Variants in DYNC2LI1 observed in about 807,000 individuals in gnomAD.
The protein encoded by DYNC2LI1 is dynein cytoplasmic 2 light intermediate chain 1, also known as cytoplasmic dynein 2 light intermediate chain 1.
In DYNC2LI1, 45 loss-of-function variants were observed where a neutral mutation model predicts 51.9. The observed-to-expected ratio is 0.87, with a 90% CI of 0.68 to 1.11. The LOEUF (loss-of-function observed/expected upper bound fraction) is 1.11, where lower values mean the gene tolerates loss of function less well. Among genes scored for constraint, DYNC2LI1 ranks in the 50% most tolerant of loss-of-function variants. The probability of loss-of-function intolerance (pLI) is 0.00; values close to 1 mark genes in which losing one functional copy is unlikely to be tolerated. For missense variants in DYNC2LI1, 490 were observed against 417.4 expected, an observed-to-expected ratio of 1.17 and a Z score of -1.51; for synonymous variants, 130 against 137.8, an observed-to-expected ratio of 0.94 and a Z score of 0.40.
chr2:43,812,093 C>G (rs1666507076), downstream of DYNC2LI1, among the ~76,000 whole-genome samples: 1 of 151,944 alleles, frequency 6.6e-6, no homozygotes, highest in Admixed American at 6.6e-5. Flanking sequence ...CTCTGTTGCC[C>G]AGGCTGGAGT....
At chr2:43,796,449 C>T (rs756588627) in intron 7 of DYNC2LI1, among the ~76,000 whole-genome samples, 6 of 152,024 alleles carry the variant, frequency 3.9e-5, no homozygotes, top group African/African-American at 1.2e-4. Flanking sequence ...GTCAGAGAAT[C>T]GTTAGAATTC....
At chr2:43,814,932 T>C (rs1223347078), downstream of DYNC2LI1, among the ~76,000 whole-genome samples, 1 of 152,218 alleles carries the variant, frequency 6.6e-6, no homozygotes, top group South Asian at 2.1e-4. Context: ...AGCATAGCAC[T>C]TTGTCATTTT....
At chr2:43,827,935 C>A in the DYNC2LI1 span, 47 of 1,611,332 alleles carry the variant, frequency 2.9e-5, no homozygotes, top group Non-Finnish European at 3.8e-5. Flanking sequence ...TGCACACACA[C>A]AGAAGATGCC....
chr2:43,822,828 C>T, the DYNC2LI1 span: 29 of 1,614,012 alleles, frequency 1.8e-5, no homozygotes, highest in Non-Finnish European at 2.2e-5. Flanking sequence ...ATCATGGTGG[C>T]AACAACGCTG....
the DYNC2LI1 span, chr2:43,822,486 C>CA: frequency 1.1e-6 from 1 of 932,846 alleles, no homozygotes; most frequent in South Asian, 5.0e-5. Flanking sequence ...AGGCCCCCCC[C>CA]CATGCACCTG....
chr2:43,811,568 CAGAA>C (rs1424222878), downstream of DYNC2LI1, among the ~76,000 whole-genome samples: 2 of 152,000 alleles, frequency 1.3e-5, no homozygotes, highest in Non-Finnish European at 2.9e-5. Flanking sequence ...GAAGATCAAT[CAGAA>C]AGAGAATCAG....
intron 10 of DYNC2LI1, among the ~76,000 whole-genome samples, chr2:43,803,472 A>G (rs1469833335): frequency 1.3e-5 from 2 of 152,198 alleles, no homozygotes; most frequent in Non-Finnish European, 2.9e-5. Context: ...AATGAAAAAC[A>G]TTTTAGAAAT....
chr2:43,795,976 T>C lies in DYNC2LI1; in HGVS notation c.576+18T>C. 6.3e-7 allele frequency: 1 copy of C among 1,596,530 alleles called. No individual in the cohort carries two copies. Among genetic ancestry groups the C allele is most frequent in the Non-Finnish European group, 8.6e-7 (1 of 1,164,344 alleles). On this transcript the variant is annotated intron_variant, in intron 7 of 12. Transcript: ENST00000260605. ...TTTTTCAGGTAAGCTCTTCCGCTTC[T>C]AGCTGAGTTTGTTGTACATATATGG...
downstream of DYNC2LI1, among the ~76,000 whole-genome samples, chr2:43,813,881 G>A (rs1666648290): frequency 6.6e-6 from 1 of 151,788 alleles, no homozygotes; most frequent in South Asian, 2.1e-4. Flanking sequence ...ACCACGCCTG[G>A]CTAATTTTTG....
intron 4 of DYNC2LI1, among the ~76,000 whole-genome samples, chr2:43,788,675 A>G (rs1409298189): frequency 6.6e-6 from 1 of 152,174 alleles, no homozygotes; most frequent in African/African-American, 2.4e-5. Flanking sequence ...GCTGGAGTAC[A>G]GTGGCAGGAT....
At chr2:43,787,777 G>A (rs1038679515) in intron 4 of DYNC2LI1, among the ~76,000 whole-genome samples, 1 of 152,048 alleles carries the variant, frequency 6.6e-6, no homozygotes, top group Non-Finnish European at 1.5e-5. Flanking sequence ...GGGGTGGGGT[G>A]GGGAATTCCT....
At chr2:43,800,986 A>G (rs954434834) in intron 9 of DYNC2LI1, 69 bp downstream of exon 9, 7 of 1,046,008 alleles carry the variant, frequency 6.7e-6, no homozygotes, top group Middle Eastern at 2.1e-4. Context: ...TCATCTGATT[A>G]TTGTTCTACT....
chr2:43,810,630 A>C, downstream of DYNC2LI1: 1 of 551,470 alleles, frequency 1.8e-6, no homozygotes, highest in Non-Finnish European at 2.3e-6. Flanking sequence ...TACTACCCCA[A>C]GGGAGTACTG....
downstream of DYNC2LI1, among the ~76,000 whole-genome samples, chr2:43,811,473 C>T (rs1298263489): frequency 6.6e-6 from 1 of 152,200 alleles, no homozygotes; most frequent in African/African-American, 2.4e-5. Context: ...TGAACAAGTT[C>T]ATGCGCTCTC....
At chr2:43,824,836 G>A in the DYNC2LI1 span, 1 of 1,606,704 alleles carries the variant, frequency 6.2e-7, no homozygotes, top group African/African-American at 1.3e-5. Flanking sequence ...AGAAGTCTGA[G>A]ATGAGAAAGT....
At chr2:43,824,930 C>A in the DYNC2LI1 span, 1 of 1,614,078 alleles carries the variant, frequency 6.2e-7, no homozygotes, top group East Asian at 2.2e-5. Flanking sequence ...ACAAGGGTAA[C>A]CGCAGTCATT....
At chr2:43,806,128 C>T (rs144306522) in intron 12 of DYNC2LI1, among the ~76,000 whole-genome samples, 3,293 of 152,178 alleles carry the variant, frequency 0.022, 81 homozygotes, top group African/African-American at 0.062. Flanking sequence ...GTGATCCATC[C>T]GCCTTGGCCT....
At chr2:43,788,468 G>T (rs1320548021) in intron 4 of DYNC2LI1, among the ~76,000 whole-genome samples, 1 of 152,114 alleles carries the variant, frequency 6.6e-6, no homozygotes, top group Non-Finnish European at 1.5e-5. Context: ...GTCTTTCTCA[G>T]ATTTAATTCC....
At chr2:43,780,137 T>G (rs1453800884) in intron 2 of DYNC2LI1, among the ~76,000 whole-genome samples, 1 of 152,086 alleles carries the variant, frequency 6.6e-6, no homozygotes, top group Non-Finnish European at 1.5e-5. Flanking sequence ...TTCACTAAGG[T>G]CAAAGAGTTA....
Sources: allele counts gnomAD v4.1 joint callset (sites outside exome capture counted in the v4.1 genomes callset), GRCh38; gene constraint gnomAD v4.1.1; transcripts MANE v1.5; gene names NCBI Gene and HGNC (gene_info 2026-07-23, HGNC 2026-07-21).